Variants in GALNT10 observed in about 807,000 individuals in gnomAD.
The protein encoded by GALNT10 is polypeptide N-acetylgalactosaminyltransferase 10.
GALNT10 carries 41 observed loss-of-function variants against 75.0 expected under a neutral mutation model. The ratio of observed to expected loss-of-function variants is 0.55; its 90% CI spans 0.43 to 0.71. The LOEUF (loss-of-function observed/expected upper bound fraction) is 0.71. Among genes scored for constraint, GALNT10 ranks in the 30% least tolerant of loss-of-function variants. GALNT10 has a pLI of 0.00. For missense variants in GALNT10, 727 were observed against 818.5 expected (o/e 0.89, Z 1.36); for synonymous variants, 302 against 313.0 (o/e 0.96, Z 0.37).
chr5:154,409,407 A>T lies in GALNT10; in HGVS notation c.1165-134A>T. The stretch of plus-strand genomic sequence containing the variant: ...ATAGAAACACAGAAGGCCTAAACTC[A>T]CGGTGGGGCTGGGATTTTTGATGGA... On this transcript the variant is annotated intron_variant, in intron 8 of 11. Coordinates refer to ENST00000297107, the MANE Select transcript of GALNT10 (RefSeq NM_198321.4). The surrounding 1 kb of genome is among the most constrained non-coding windows in gnomAD (Gnocchi z 4.5). The T allele has an allele frequency of 1.3e-6, 1 of 751,254 alleles. No individual in the cohort carries two copies. Among genetic ancestry groups the T allele is most frequent in the Non-Finnish European group, 2.5e-6 (1 of 407,698 alleles). 46.5% of individuals were successfully genotyped at this position (751,254 alleles called of 1,614,324 possible).
chr5:154,359,306 A>G (rs544551118), intron 4 of GALNT10, among the ~76,000 whole-genome samples: 7 of 152,238 alleles, frequency 4.6e-5, no homozygotes, highest in Non-Finnish European at 7.4e-5. Context: ...CCAGCTGGGC[A>G]GGAGTGTTTG....
At chr5:154,384,757 C>T (rs566569485) in intron 6 of GALNT10, among the ~76,000 whole-genome samples, 12 of 152,298 alleles carry the variant, frequency 7.9e-5, no homozygotes, top group African/African-American at 2.4e-4. Flanking sequence ...ATTGTGGTGG[C>T]GAGGGGTGTG....
chr5:154,415,526 A>G (rs1193912535), intron 10 of GALNT10, among the ~76,000 whole-genome samples: 1 of 151,992 alleles, frequency 6.6e-6, no homozygotes, highest in African/African-American at 2.4e-5. Context: ...TTTAGTAGAG[A>G]CGGGGTTTCA....
At chr5:154,236,815 G>C (rs570645955) in intron 1 of GALNT10, among the ~76,000 whole-genome samples, 10 of 152,308 alleles carry the variant, frequency 6.6e-5, no homozygotes, top group Middle Eastern at 3.4e-3. Context: ...GATCCCCCAG[G>C]GTGGTTGATG....
In GALNT10 at chr5:154,225,730, G is replaced by A. The variant is rs564881619; in HGVS notation, c.159+34705G>A. The stretch of plus-strand genomic sequence containing the variant: ...AAGTTCACATTTTAATGGAGGATTC[G>A]TTCTGCCATCTTCTTTTGGATTTTC... On this transcript the variant is annotated intron_variant, in intron 1 of 11. Transcript: ENST00000297107. Among the ~76,000 whole-genome samples, 12 of 69,466 alleles carry A rather than the reference G, an allele frequency of 1.7e-4. No individual in the cohort carries two copies. In the South Asian group the frequency reaches 3.8e-3, roughly 22 times the overall value. The allele number at this position is 69,466 out of a possible 152,430, so 45.6% of individuals were successfully genotyped here.
At chr5:154,293,030 C>A (rs1326684744) in intron 1 of GALNT10, among the ~76,000 whole-genome samples, 1 of 152,124 alleles carries the variant, frequency 6.6e-6, no homozygotes, top group East Asian at 1.9e-4. Flanking sequence ...TCAGAATTAT[C>A]TTCTTGCAAT....
At chr5:154,333,388 C>T (rs1414003835) in intron 4 of GALNT10, among the ~76,000 whole-genome samples, 2 of 152,184 alleles carry the variant, frequency 1.3e-5, no homozygotes, top group Admixed American at 1.3e-4. Flanking sequence ...TTATTCCTTT[C>T]TATTTCCAAG....
At chr5:154,205,863 GA>G (rs1350789149) in intron 1 of GALNT10, among the ~76,000 whole-genome samples, 1 of 152,202 alleles carries the variant, frequency 6.6e-6, no homozygotes, top group Non-Finnish European at 1.5e-5. Flanking sequence ...AGGCTTTGGA[GA>G]TAGGATAGCC....
intron 3 of GALNT10, among the ~76,000 whole-genome samples, chr5:154,320,919 G>C (rs1754663423): frequency 6.6e-6 from 1 of 152,162 alleles, no homozygotes; most frequent in South Asian, 2.1e-4. Context: ...GGTTAAGTCA[G>C]GGCAAGGACA....
chr5:154,338,293 T>C, intron 4 of GALNT10: 3 of 626,616 alleles, frequency 4.8e-6, no homozygotes, highest in Non-Finnish European at 8.7e-6. Context: ...GATCTCTCCT[T>C]ACCACACAAT....
At chr5:154,203,157 C>T (rs545788363) in intron 1 of GALNT10, among the ~76,000 whole-genome samples, 19 of 152,286 alleles carry the variant, frequency 1.2e-4, no homozygotes, top group African/African-American at 4.6e-4. Context: ...CTTGTATGGA[C>T]TCTCTTTCAC....
intron 4 of GALNT10, among the ~76,000 whole-genome samples, chr5:154,369,320 G>A (rs144203449): frequency 0.012 from 1,792 of 152,192 alleles, 28 homozygotes; most frequent in African/African-American, 0.041. Context: ...CCCAGGAAGC[G>A]GAGGCTGCAG....
chr5:154,374,308 C>T (rs1488689479), intron 4 of GALNT10, among the ~76,000 whole-genome samples: 1 of 152,170 alleles, frequency 6.6e-6, no homozygotes, highest in Non-Finnish European at 1.5e-5. Flanking sequence ...GCCTTCTAGC[C>T]TCTGGTTGTA....
chr5:154,385,189 A>G (rs980636937), intron 6 of GALNT10, among the ~76,000 whole-genome samples: 12 of 152,198 alleles, frequency 7.9e-5, no homozygotes, highest in African/African-American at 2.7e-4. Context: ...TTTCCAGTGC[A>G]TCCAGACAAG....
Position 154,352,289 on chromosome 5 carries a change from G to A in GALNT10, c.568+22551G>A, listed in dbSNP as rs1054588077. Among the ~76,000 whole-genome samples the A allele has an allele frequency of 3.3e-5, 5 of 152,114 alleles. No individual in the cohort carries two copies. Among genetic ancestry groups the A allele is most frequent in the African/African-American group, 4.8e-5 (2 of 41,418 alleles). On this transcript the variant is annotated intron_variant, in intron 4 of 11. Coordinates refer to ENST00000297107, the MANE Select transcript of GALNT10 (RefSeq NM_198321.4). This position sits in a 1 kb window ranked among gnomAD's most constrained non-coding sequence, Gnocchi z 4.4. ...CTCTTCCACACCCCAAACTCAACAC[G>A]GCCCACTGGTGGGAATAACTGAGTG...
At chr5:154,199,986 C>T (rs1160854508) in intron 1 of GALNT10, among the ~76,000 whole-genome samples, 2 of 152,190 alleles carry the variant, frequency 1.3e-5, no homozygotes, top group African/African-American at 4.8e-5. Context: ...ATATCCAGGG[C>T]CACGCAGCTA....
chr5:154,257,671 TAAA>T (rs5872365), intron 1 of GALNT10, among the ~76,000 whole-genome samples: 6 of 144,864 alleles, frequency 4.1e-5, no homozygotes, highest in African/African-American at 2.5e-5. Flanking sequence ...GACTCCGTTT[TAAA>T]AAAAAAAAAA....
At position 154,268,961 on chromosome 5, in the gene GALNT10, A is replaced by AC. The variant is rs553387865; in HGVS notation, c.160-25849dup. Among the ~76,000 whole-genome samples the AC allele has an allele frequency of 1.1e-3, 161 of 151,882 alleles. 2 individuals carry two copies. The South Asian group carries it at 0.02, about 18-fold the overall frequency. The stretch of plus-strand genomic sequence containing the variant: ...AGACCAGCCTGGGCCACATAGTGAG[A>AC]CCCCCCATCCCTACTTAAAAAATAG... On this transcript the variant is annotated intron_variant, in intron 1 of 11. Transcript: ENST00000297107.
At chr5:154,196,378 C>CT (rs1382646656) in intron 1 of GALNT10, among the ~76,000 whole-genome samples, 7 of 152,228 alleles carry the variant, frequency 4.6e-5, no homozygotes, top group Admixed American at 2.0e-4. Flanking sequence ...CTCAGATTCT[C>CT]TATCAGTTGC....
Sources: allele counts gnomAD v4.1 joint callset (sites outside exome capture counted in the v4.1 genomes callset), GRCh38; gene constraint gnomAD v4.1.1; non-coding constraint Gnocchi (gnomAD v3.1); transcripts MANE v1.5; gene names NCBI Gene and HGNC (gene_info 2026-07-23, HGNC 2026-07-21).